PPP4R1: variants seen among roughly 807,000 people sequenced by gnomAD.
PPP4R1 encodes protein phosphatase 4 regulatory subunit 1.
PPP4R1 carries 42 observed loss-of-function variants against 111.2 expected under a neutral mutation model. The observed-to-expected ratio is 0.38, with a 90% CI of 0.29 to 0.49. The LOEUF (loss-of-function observed/expected upper bound fraction) is 0.49, where lower values mean the gene tolerates loss of function less well. Ranked by LOEUF, PPP4R1 falls within the 20% of genes least tolerant of loss-of-function variation. PPP4R1 has a pLI of 0.97. For synonymous variants in PPP4R1, 409 were observed against 405.5 expected (o/e 1.01, Z -0.10); for missense variants, 1,012 against 1,161.6 (o/e 0.87, Z 1.87).
chr18:9,577,581 C>G (rs1003269752), intron 9 of PPP4R1, among the ~76,000 whole-genome samples: 2 of 152,068 alleles, frequency 1.3e-5, no homozygotes, highest in African/African-American at 2.4e-5. Flanking sequence ...GTGGAAGAAG[C>G]GCGTGAACCC....
At chr18:9,595,417 A>G (rs1391724351) in intron 2 of PPP4R1, among the ~76,000 whole-genome samples, 1 of 152,220 alleles carries the variant, frequency 6.6e-6, no homozygotes, top group South Asian at 2.1e-4. Flanking sequence ...CTCAGTATGC[A>G]GGAAAGTGAC....
intron 3 of PPP4R1, chr18:9,594,229 C>T (rs761298073): frequency 6.3e-5 from 10 of 157,892 alleles, no homozygotes; most frequent in Non-Finnish European, 1.3e-4. Context: ...TGCACCTGGC[C>T]GATATCTAGA....
intron 13 of PPP4R1, among the ~76,000 whole-genome samples, chr18:9,560,130 A>G (rs1215761172): frequency 2.6e-5 from 4 of 152,136 alleles, no homozygotes; most frequent in African/African-American, 7.2e-5. Context: ...AAATTAAAAA[A>G]TCAGCCAGGT....
At chr18:9,551,451 T>C (rs2066487029) in intron 16 of PPP4R1, 2 of 152,326 alleles carry the variant, frequency 1.3e-5, no homozygotes, top group African/African-American at 4.8e-5. Flanking sequence ...CAAAGCCAGA[T>C]GTGCCCGACA....
intron 13 of PPP4R1, among the ~76,000 whole-genome samples, chr18:9,561,562 C>CT (rs1426507610): frequency 6.6e-6 from 1 of 152,114 alleles, no homozygotes; most frequent in African/African-American, 2.4e-5. Flanking sequence ...ACTGATGGCA[C>CT]TTTAAAATTT....
intron 14 of PPP4R1, 101 bp from the exon 15 acceptor site, chr18:9,557,483 C>T: frequency 9.2e-7 from 1 of 1,081,262 alleles, no homozygotes; most frequent in Non-Finnish European, 1.3e-6. Context: ...ATGTTACTAA[C>T]CTCAAAAAAT....
At chr18:9,559,286 G>T in intron 14 of PPP4R1, 133 bp downstream of exon 14, 1 of 903,026 alleles carries the variant, frequency 1.1e-6, no homozygotes, top group Non-Finnish European at 1.6e-6. Flanking sequence ...TTACTCTTAA[G>T]CTCTTCCATA....
rs749005204 is a variant in PPP4R1 at position 9,612,126 on chromosome 18, CT to C, written c.52+2099del. The stretch of plus-strand genomic sequence containing the variant: ...GCTCTTCTTTTAAGCTTCCCTTGCT[CT>C]TTTCTCATAACAGCAAACATAATCA... On this transcript the variant is annotated intron_variant, in intron 2 of 19. Transcript: ENST00000400556. 7.2e-5 allele frequency among the ~76,000 whole-genome samples: 11 copies of C among 152,300 alleles called. No homozygotes were observed. In the South Asian group the frequency reaches 2.1e-3, roughly 29 times the overall value.
At chr18:9,581,893 A>G (rs1270189968) in intron 9 of PPP4R1, among the ~76,000 whole-genome samples, 1 of 152,184 alleles carries the variant, frequency 6.6e-6, no homozygotes, top group Non-Finnish European at 1.5e-5. Flanking sequence ...TTCACAGTAG[A>G]AACAGAAGAG....
rs2066838682 is a variant in PPP4R1 at position 9,570,263 on chromosome 18, A to C, written c.1467T>G (p.Ser489=). 6.2e-7 allele frequency: 1 copy of C among 1,610,644 alleles called. No homozygotes were observed. The highest frequency in any genetic ancestry group is 8.5e-7 in the Non-Finnish European group (1 of 1,178,670). ...KPSPEGPEEE[S]EGPVPSSPNI... ...TTGGAGAACTGGGCACAGGGCCCTC[A>C]GATTCTTCCTCTGGTCCCTCTGGGC... The change falls in exon 11 of 20, where the codon TCT becomes TCG. Residue 489 remains serine (S), a synonymous_variant. Coordinates refer to ENST00000400556, the MANE Select transcript of PPP4R1 (RefSeq NM_001042388.3).
At position 9,577,201 on chromosome 18, in the gene PPP4R1, T is replaced by C. The variant is rs775250656; in HGVS notation, c.919-10A>G. On this transcript the variant is annotated splice_polypyrimidine_tract_variant and intron_variant, in intron 9 of 19. Coordinates refer to ENST00000400556, the MANE Select transcript of PPP4R1 (RefSeq NM_001042388.3). ...AAGCTGCTTGGCGAACCTAGGAAGA[T>C]AAAAAGGACAATAATAAAGGAATCA... 4 of 1,595,484 alleles carry C rather than the reference T, an allele frequency of 2.5e-6. No homozygotes were observed. In the South Asian group the frequency reaches 3.4e-5, roughly 14 times the overall value.
chr18:9,601,295 G>A (rs1164687183), intron 2 of PPP4R1, among the ~76,000 whole-genome samples: 1 of 151,436 alleles, frequency 6.6e-6, no homozygotes, highest in East Asian at 1.9e-4. Context: ...GGCTGAGGCA[G>A]GTAGATCACT....
At chr18:9,592,673 A>G (rs1421442448) in intron 4 of PPP4R1, among the ~76,000 whole-genome samples, 5 of 142,706 alleles carry the variant, frequency 3.5e-5, no homozygotes, top group Admixed American at 1.4e-4. Flanking sequence ...ACACACACTT[A>G]CAAAAAAAAA....
At chr18:9,555,951 A>G (rs1456693987) in intron 15 of PPP4R1, among the ~76,000 whole-genome samples, 2 of 151,028 alleles carry the variant, frequency 1.3e-5, no homozygotes, top group Non-Finnish European at 2.9e-5. Flanking sequence ...CCTGGCCAAC[A>G]CGGTGAAACC....
Position 9,593,817 on chromosome 18 carries a change from T to G in PPP4R1, c.246A>C (p.Arg82Ser). ...DTLREVCDDE[R>S]DCIAVLERIS... ...TTCTTTCCAAAACAGCAATACAATC[T>G]CTTTCATCATCGCAGACTTCCCTCA... Residue 82 changes from arginine (R) to serine (S), a missense_variant, in exon 4 of 20, where the codon AGA becomes AGC. Physicochemically the swap from Arg to Ser is moderately radical, Grantham distance 110 (BLOSUM62 -1). Transcript: ENST00000400556. 6.2e-7 allele frequency: 1 copy of G among 1,613,884 alleles called. No homozygotes were observed. Among genetic ancestry groups the G allele is most frequent in the Non-Finnish European group, 8.5e-7 (1 of 1,179,924 alleles).
At chr18:9,588,059 G>A (rs756062489) in intron 6 of PPP4R1, 30 bp downstream of exon 6, 2 of 1,612,478 alleles carry the variant, frequency 1.2e-6, no homozygotes, top group Non-Finnish European at 1.7e-6. Context: ...GCCACATTTT[G>A]CATAAGTGGA....
chr18:9,613,262 T>C (rs755420769), intron 2 of PPP4R1, among the ~76,000 whole-genome samples: 1 of 152,238 alleles, frequency 6.6e-6, no homozygotes, highest in South Asian at 2.1e-4. Context: ...TCAAAACCTA[T>C]TGATTTTTTG....
intron 13 of PPP4R1, 111 bp downstream of exon 13, chr18:9,561,869 G>A (rs1285234670): frequency 2.5e-6 from 2 of 801,730 alleles, no homozygotes; most frequent in East Asian, 5.3e-5. Context: ...TGACACACTA[G>A]TCAATTTTTA....
intron 14 of PPP4R1, among the ~76,000 whole-genome samples, chr18:9,557,600 T>C (rs2066608090): frequency 6.6e-6 from 1 of 152,154 alleles, no homozygotes; most frequent in Non-Finnish European, 1.5e-5. Context: ...TCCTTTCATT[T>C]ATGAGGAGAA....
Sources: gnomAD v4.1 joint callset for allele counts (sites outside exome capture counted in the v4.1 genomes callset) on GRCh38, gnomAD v4.1.1 for gene constraint, MANE v1.5 for transcripts, NCBI Gene and HGNC (gene_info 2026-07-23, HGNC 2026-07-21) for gene names.